DNAH5: variants seen among roughly 807,000 people sequenced by gnomAD.
The protein encoded by DNAH5 is dynein axonemal heavy chain 5, also known as axonemal beta dynein heavy chain 5.
In DNAH5, 372 loss-of-function variants were observed where a neutral mutation model predicts 518.2. The observed-to-expected ratio is 0.72, with a 90% CI of 0.66 to 0.78. The LOEUF (loss-of-function observed/expected upper bound fraction) is 0.78, where lower values mean the gene tolerates loss of function less well. DNAH5 is among the 30% of genes least tolerant of loss of function. The probability of loss-of-function intolerance (pLI) is 0.00; values close to 1 mark genes in which losing one functional copy is unlikely to be tolerated. For synonymous variants in DNAH5, 2,039 were observed against 2,025.9 expected, an observed-to-expected ratio of 1.01 and a Z score of -0.17; for missense variants, 5,523 against 5,687.0, an observed-to-expected ratio of 0.97 and a Z score of 0.93.
chr5:13,845,030 C>CCAGCTTTGTGTGGTT, intron 31 of DNAH5, 37 bp from the exon 32 acceptor site: 1 of 1,603,404 alleles, frequency 6.2e-7, no homozygotes, highest in Non-Finnish European at 8.5e-7. Flanking sequence ...TTTATAACCA[C>CCAGCTTTGTGTGGTT]ACAAAGCTGG....
intron 30 of DNAH5, among the ~76,000 whole-genome samples, chr5:13,851,651 C>T (rs1199708171): frequency 1.3e-5 from 2 of 151,974 alleles, no homozygotes; most frequent in Non-Finnish European, 2.9e-5. Flanking sequence ...TGTATGTCAC[C>T]AATGAGTATA....
intron 47 of DNAH5, among the ~76,000 whole-genome samples, chr5:13,796,089 T>C (rs1466145440): frequency 2.6e-5 from 4 of 152,170 alleles, no homozygotes; most frequent in Non-Finnish European, 4.4e-5. Flanking sequence ...CCACAGCCAA[T>C]ATCATACTGA....
chr5:14,011,467 A>G (rs752820269), intron 1 of DNAH5, among the ~76,000 whole-genome samples: 2 of 152,152 alleles, frequency 1.3e-5, no homozygotes, highest in Admixed American at 6.5e-5. Flanking sequence ...TCCCAGCCCT[A>G]AAAGGTCAAG....
At chr5:14,002,839 A>G (rs1250710003) in intron 1 of DNAH5, among the ~76,000 whole-genome samples, 1 of 151,644 alleles carries the variant, frequency 6.6e-6, no homozygotes, top group African/African-American at 2.4e-5. Flanking sequence ...ATTAATAAAT[A>G]TATATATTTA....
At chr5:13,959,848 TC>T (rs1174929552) in intron 1 of DNAH5, among the ~76,000 whole-genome samples, 1 of 152,098 alleles carries the variant, frequency 6.6e-6, no homozygotes, top group Non-Finnish European at 1.5e-5. Context: ...ATGCCTGTGA[TC>T]CCAGCCACTC....
At chr5:13,854,334 G>A (rs1463401437) in intron 30 of DNAH5, among the ~76,000 whole-genome samples, 1 of 152,134 alleles carries the variant, frequency 6.6e-6, no homozygotes, top group Non-Finnish European at 1.5e-5. Context: ...GACTTTGTCA[G>A]CACCAGGCCT....
chr5:13,983,627 C>G (rs1032284094), intron 1 of DNAH5, among the ~76,000 whole-genome samples: 2 of 152,154 alleles, frequency 1.3e-5, no homozygotes, highest in African/African-American at 4.8e-5. Context: ...ATCTGGGGTC[C>G]TGGACCATGC....
chr5:13,893,002 G>A (rs947370470), intron 16 of DNAH5, among the ~76,000 whole-genome samples: 1 of 152,108 alleles, frequency 6.6e-6, no homozygotes, highest in African/African-American at 2.4e-5. Flanking sequence ...CATAACAAAG[G>A]TGAGGTATGG....
chr5:13,769,503 T>C lies in DNAH5; in HGVS notation c.9718A>G (p.Met3240Val), dbSNP rs780654245. 34 of 1,613,552 alleles carry C rather than the reference T, an allele frequency of 2.1e-5. 1 individual carries two copies. The highest frequency in any genetic ancestry group is 1.9e-4 in the African/African-American group (14 of 75,048). The part of the protein sequence containing the change: ...ELQVANDKAD[M>V]VLKEVTMKAQ... ...CACATGTGTAAATGCCCACCCACCA[T>C]GTCGGCTTTATCGTTGGCCACTTGT... Residue 3240 changes from methionine to valine, a missense_variant and splice_region_variant, in exon 57 of 79, where the codon ATG (methionine) becomes GTG (valine). Met to Val is a conservative substitution (Grantham distance 21). This residue lies in a region of DNAH5 where 5,121 missense variants were observed against 5,223.3 expected (regional missense o/e 0.98). Coordinates refer to ENST00000265104, the MANE Select transcript of DNAH5 (RefSeq NM_001369.3).
At chr5:13,993,112 G>T (rs187087418) in intron 1 of DNAH5, among the ~76,000 whole-genome samples, 113 of 152,324 alleles carry the variant, frequency 7.4e-4, no homozygotes, top group African/African-American at 2.6e-3. Flanking sequence ...CAATGAAGAG[G>T]CAATGGGTGT....
chr5:13,751,442 A>C (rs1258210120), intron 64 of DNAH5, among the ~76,000 whole-genome samples, 182 bp from the exon 65 acceptor site: 3 of 152,176 alleles, frequency 2.0e-5, no homozygotes, highest in Non-Finnish European at 4.4e-5. Context: ...GAAAGGAAGC[A>C]AAGAAGGATG....
chr5:13,995,251 C>T (rs1783857196), intron 1 of DNAH5, among the ~76,000 whole-genome samples: 1 of 152,238 alleles, frequency 6.6e-6, no homozygotes, highest in Non-Finnish European at 1.5e-5. Context: ...CAGTGCACCA[C>T]ATATACAGTA....
intron 53 of DNAH5, among the ~76,000 whole-genome samples, chr5:13,778,496 A>AAGGGAGGGAGGGAGGG (rs1199880080): frequency 1.2e-5 from 1 of 84,812 alleles, no homozygotes; most frequent in African/African-American, 5.0e-5. Context: ...GGAAGGAAGG[A>AAGGGAGGGAGGGAGGG]AGGGAGGGAG....
rs143233048 is a variant in DNAH5 at position 13,916,325 on chromosome 5, T to C, written c.1197+23A>G. 5 of 1,254,216 alleles carry C rather than the reference T, an allele frequency of 4.0e-6. No individual in the cohort carries two copies. The East Asian group carries it at 9.5e-5, about 24-fold the overall frequency. The allele number at this position is 1,254,216 out of a possible 1,614,324, so 77.7% of individuals were successfully genotyped here. A position where few individuals can be genotyped will look rare whatever the true frequency, so the allele number is the denominator to read the frequency against. ...ACTGGCAAAGAAATACAAATGAACA[T>C]GGACTCTACATCATGCACTTACCTT... is the stretch of plus-strand genomic sequence containing the variant. On this transcript the variant is annotated intron_variant, in intron 9 of 78. Coordinates refer to ENST00000265104, the MANE Select transcript of DNAH5 (RefSeq NM_001369.3).
At chr5:13,814,975 G>T in intron 42 of DNAH5, 129 bp from the exon 43 acceptor site, 2 of 924,192 alleles carry the variant, frequency 2.2e-6, no homozygotes, top group Non-Finnish European at 3.3e-6. Flanking sequence ...ATATAGTTTT[G>T]CTCCAAATGA....
intron 41 of DNAH5, among the ~76,000 whole-genome samples, chr5:13,818,804 A>C (rs1761835276): frequency 6.6e-6 from 1 of 152,246 alleles, no homozygotes; most frequent in Non-Finnish European, 1.5e-5. Flanking sequence ...ATATATGCTG[A>C]ATCAGGGGAC....
intron 1 of DNAH5, among the ~76,000 whole-genome samples, chr5:13,941,532 A>C (rs2152025240): frequency 6.6e-6 from 1 of 152,328 alleles, no homozygotes; most frequent in South Asian, 2.1e-4. Context: ...TGGTTTGGTT[A>C]ATTTGCCAGA....
At chr5:13,958,064 T>C (rs1014774848) in intron 1 of DNAH5, among the ~76,000 whole-genome samples, 1 of 151,978 alleles carries the variant, frequency 6.6e-6, no homozygotes, top group Non-Finnish European at 1.5e-5. Flanking sequence ...ATCTAACGAT[T>C]GCATAGCATA....
rs774820328 is a variant in DNAH5 at position 13,793,498 on chromosome 5, A to C, written c.8224+17T>G. The stretch of plus-strand genomic sequence containing the variant: ...GTTCTTCCTCACCCTCCCACCCCAC[A>C]TCCTCTTGATCTTTACCAAAGATCT... On this transcript the variant is annotated intron_variant, in intron 49 of 78. Transcript: ENST00000265104. 8.1e-6 allele frequency: 13 copies of C among 1,600,658 alleles called. No individual in the cohort carries two copies. The South Asian group carries it at 1.2e-4, about 15-fold the overall frequency.
Sources: allele counts gnomAD v4.1 joint callset (sites outside exome capture counted in the v4.1 genomes callset), GRCh38; gene constraint gnomAD v4.1.1; regional missense constraint gnomAD v4.1.1; transcripts MANE v1.5; gene names NCBI Gene and HGNC (gene_info 2026-07-23, HGNC 2026-07-21).